The following PTPRM variants were observed in gnomAD, a reference collection of about 807,000 sequenced individuals.
PTPRM encodes protein tyrosine phosphatase receptor type M, also known as receptor-type tyrosine-protein phosphatase mu.
A neutral mutation model predicts 186.7 loss-of-function variants in PTPRM; 47 were observed. The ratio of observed to expected loss-of-function variants is 0.25; its 90% CI spans 0.20 to 0.32. PTPRM has a LOEUF of 0.32. Among genes scored for constraint, PTPRM ranks in the 10% least tolerant of loss-of-function variants. The pLI, the probability that PTPRM is intolerant of heterozygous loss-of-function variation, is 1.00. For synonymous variants in PTPRM, 668 were observed against 674.9 expected, an observed-to-expected ratio of 0.99 and a Z score of 0.16; for missense variants, 1,494 against 1,865.0, an observed-to-expected ratio of 0.80 and a Z score of 3.66.
chr18:7,892,695 C>A (rs541876025), intron 3 of PTPRM, among the ~76,000 whole-genome samples: 1 of 152,170 alleles, frequency 6.6e-6, no homozygotes, highest in East Asian at 1.9e-4. Context: ...CAGGACTGTA[C>A]GGCTTAAACA....
chr18:8,167,939 C>A (rs1041425846), intron 14 of PTPRM, among the ~76,000 whole-genome samples: 5 of 152,196 alleles, frequency 3.3e-5, no homozygotes, highest in Non-Finnish European at 5.9e-5. Flanking sequence ...TTGCACCTTG[C>A]CATTTTGGCT....
At chr18:7,778,589 C>T (rs2042703661) in intron 2 of PTPRM, among the ~76,000 whole-genome samples, 1 of 152,140 alleles carries the variant, frequency 6.6e-6, no homozygotes, top group African/African-American at 2.4e-5. Flanking sequence ...AAGCGATTCT[C>T]CTGCCTCAGC....
intron 20 of PTPRM, among the ~76,000 whole-genome samples, chr18:8,307,804 CAA>C (rs35139928): frequency 0.025 from 3,579 of 140,894 alleles, 164 homozygotes; most frequent in African/African-American, 0.087. Flanking sequence ...AACTCTGTCT[CAA>C]AAAAAAAAAA....
intron 7 of PTPRM, among the ~76,000 whole-genome samples, chr18:7,997,789 A>G (rs916377916): frequency 2.0e-4 from 30 of 152,210 alleles, no homozygotes; most frequent in Admixed American, 9.8e-4. Context: ...GCTCAACATC[A>G]CCAATCATTA....
At chr18:8,074,177 G>A (rs2089663796) in intron 8 of PTPRM, among the ~76,000 whole-genome samples, 1 of 152,004 alleles carries the variant, frequency 6.6e-6, no homozygotes, top group African/African-American at 2.4e-5. Flanking sequence ...GAAATCCTAG[G>A]CAGGCTTTCC....
chr18:7,911,655 C>A (rs148767221), intron 4 of PTPRM, among the ~76,000 whole-genome samples: 38 of 152,068 alleles, frequency 2.5e-4, no homozygotes, highest in African/African-American at 8.2e-4. Flanking sequence ...AAACATTTAC[C>A]CCCAATCTGT....
chr18:8,261,343 C>T (rs941553262), intron 19 of PTPRM, among the ~76,000 whole-genome samples: 1 of 152,150 alleles, frequency 6.6e-6, no homozygotes, highest in Non-Finnish European at 1.5e-5. Context: ...TGATTTTTGA[C>T]GCTCTTTTTT....
At chr18:8,190,002 C>T (rs1283016745) in intron 14 of PTPRM, among the ~76,000 whole-genome samples, 3 of 152,060 alleles carry the variant, frequency 2.0e-5, no homozygotes, top group African/African-American at 7.2e-5. Context: ...TTGTAGAGTA[C>T]TTTTTAAATT....
At chr18:7,966,602 C>A (rs1210143977) in intron 7 of PTPRM, among the ~76,000 whole-genome samples, 2 of 139,280 alleles carry the variant, frequency 1.4e-5, no homozygotes, top group African/African-American at 5.0e-5. Flanking sequence ...GGTGCGCGCA[C>A]CGTGCGCGAG....
intron 4 of PTPRM, among the ~76,000 whole-genome samples, chr18:7,918,263 A>T (rs1329225409): frequency 6.6e-6 from 1 of 151,618 alleles, no homozygotes; most frequent in Non-Finnish European, 1.5e-5. Flanking sequence ...CAAGTAGTGG[A>T]ATTGCTGGAT....
intron 7 of PTPRM, among the ~76,000 whole-genome samples, chr18:8,027,831 G>T (rs8096855): frequency 1.7e-4 from 26 of 152,244 alleles, no homozygotes; most frequent in African/African-American, 6.3e-4. Flanking sequence ...TAAAGAAGTA[G>T]AATTTATCAC....
chr18:8,054,155 AG>A (rs1428311039), intron 7 of PTPRM, among the ~76,000 whole-genome samples: 2 of 151,746 alleles, frequency 1.3e-5, no homozygotes, highest in Non-Finnish European at 2.9e-5. Flanking sequence ...ATAGTGAAAC[AG>A]CTTAGATTTA....
chr18:7,809,471 A>T (rs1056511769), intron 2 of PTPRM, among the ~76,000 whole-genome samples: 20 of 151,700 alleles, frequency 1.3e-4, no homozygotes, highest in Non-Finnish European at 2.4e-4. Flanking sequence ...CACCGCACTC[A>T]CACCCCTTCT....
chr18:8,376,780 A>G (rs2095698723), intron 26 of PTPRM, 183 bp downstream of exon 26: 1 of 729,176 alleles, frequency 1.4e-6, no homozygotes, highest in Non-Finnish European at 2.1e-6. Flanking sequence ...TCATAAACAA[A>G]CCAAACAAAC....
intron 1 of PTPRM, among the ~76,000 whole-genome samples, chr18:7,760,787 A>G (rs768909228): frequency 1.3e-5 from 2 of 152,190 alleles, no homozygotes; most frequent in Admixed American, 6.5e-5. Flanking sequence ...TTATAGATGA[A>G]TAGATGAGGA....
intron 7 of PTPRM, among the ~76,000 whole-genome samples, chr18:7,976,778 A>G (rs1361951384): frequency 6.6e-6 from 1 of 152,182 alleles, no homozygotes; most frequent in Non-Finnish European, 1.5e-5. Flanking sequence ...TGGCCAGTAT[A>G]AAGGTTGATA....
intron 14 of PTPRM, among the ~76,000 whole-genome samples, chr18:8,237,950 C>T (rs1170604190): frequency 6.9e-6 from 1 of 145,452 alleles, no homozygotes; most frequent in African/African-American, 2.6e-5. Context: ...AACGTGTTTT[C>T]CCCCCTTGGA....
At chr18:7,628,101 C>T (rs944117655) in intron 1 of PTPRM, among the ~76,000 whole-genome samples, 4 of 151,992 alleles carry the variant, frequency 2.6e-5, no homozygotes, top group South Asian at 2.1e-4. Context: ...TGCAGTGAGC[C>T]GAGATTGCAC....
chr18:7,926,822 G>C lies in PTPRM; in HGVS notation c.663+139G>C, dbSNP rs910575102. The C allele has an allele frequency of 8.1e-6, 4 of 491,178 alleles. No individual in the cohort carries two copies. The Admixed American group carries it at 1.6e-4, about 20-fold the overall frequency. The allele number at this position is 491,178 out of a possible 1,614,324, so 30.4% of individuals were successfully genotyped here. A position where few individuals can be genotyped will look rare whatever the true frequency, so the allele number is the denominator to read the frequency against. On this transcript the variant is annotated intron_variant, in intron 5 of 32. Transcript: ENST00000580170. ...TGTTAATAAGTAGCCAGATTACTTA[G>C]TAATCTATAAAAGCTAATTATTTTT...
Sources: allele counts gnomAD v4.1 joint callset (sites outside exome capture counted in the v4.1 genomes callset), GRCh38; gene constraint gnomAD v4.1.1; transcripts MANE v1.5; gene names NCBI Gene and HGNC (gene_info 2026-07-23, HGNC 2026-07-21).